The following STIMATE variants were observed in gnomAD, a reference collection of about 807,000 sequenced individuals.
STIMATE encodes store-operated calcium entry regulator STIMATE.
Under a neutral mutation model 36.7 loss-of-function variants are expected in STIMATE, and 15 were observed. That is an observed-to-expected ratio of 0.41 (90% confidence interval 0.27 to 0.63). The LOEUF is 0.63. Among genes scored for constraint, STIMATE ranks in the 20% least tolerant of loss-of-function variants. The probability of loss-of-function intolerance (pLI) is 0.32; values close to 1 mark genes in which losing one functional copy is unlikely to be tolerated. For missense variants in STIMATE, 305 were observed against 397.3 expected (o/e 0.77, Z 1.98); for synonymous variants, 163 against 162.3 (o/e 1.00, Z -0.03).
chr3:52,877,988 G>C (rs1390135412), intron 1 of STIMATE, among the ~76,000 whole-genome samples: 6 of 152,046 alleles, frequency 3.9e-5, no homozygotes, highest in Non-Finnish European at 8.8e-5. Flanking sequence ...CAGCTACTCG[G>C]GAGGCAGAGG....
intron 1 of STIMATE, among the ~76,000 whole-genome samples, chr3:52,859,531 ATTTTTTTTT>A (rs563622429): frequency 3.2e-4 from 6 of 18,818 alleles, no homozygotes; most frequent in African/African-American, 7.6e-4. Context: ...AAAAAAAAAA[ATTTTTTTTT>A]TTTTTTTTTT....
In STIMATE at chr3:52,866,139, A is replaced by G. The variant is rs1575337749; in HGVS notation, c.161-10695T>C. Reference sequence around the variant, plus strand: ...TTCCTAGAGGCACACTTGCTACATCAAAAGCTATGTGCGGCTTATTCTGTG... The same window carrying G: ...TTCCTAGAGGCACACTTGCTACATCGAAAGCTATGTGCGGCTTATTCTGTG... On this transcript the variant is annotated intron_variant, in intron 1 of 7. Coordinates refer to ENST00000355083, the MANE Select transcript of STIMATE (RefSeq NM_198563.5). 3.3e-5 allele frequency among the ~76,000 whole-genome samples: 5 copies of G among 152,334 alleles called. No homozygotes were observed. In the South Asian group the frequency reaches 1.0e-3, roughly 32 times the overall value.
intron 1 of STIMATE, among the ~76,000 whole-genome samples, chr3:52,859,689 A>AG (rs974927663): frequency 8.6e-5 from 13 of 151,090 alleles, no homozygotes; most frequent in Non-Finnish European, 1.2e-4. Flanking sequence ...AAAAAAAGAG[A>AG]GAAAAAAAGA....
intron 1 of STIMATE, among the ~76,000 whole-genome samples, chr3:52,857,579 T>C (rs1219053021): frequency 2.0e-5 from 3 of 152,152 alleles, no homozygotes; most frequent in African/African-American, 7.2e-5. Flanking sequence ...TTGAGGGGCA[T>C]GTCCTTGTTC....
chr3:52,865,690 G>GTACA (rs1701295980), intron 1 of STIMATE, among the ~76,000 whole-genome samples: 1 of 152,206 alleles, frequency 6.6e-6, no homozygotes, highest in South Asian at 2.1e-4. Flanking sequence ...AATTATGGGA[G>GTACA]TACAATTCAA....
In STIMATE at chr3:52,842,851, C is replaced by T. The variant is rs541360095; in HGVS notation, c.728G>A (p.Arg243His). 55 of 1,614,238 alleles carry T rather than the reference C, an allele frequency of 3.4e-5. No homozygotes were observed. The highest frequency in any genetic ancestry group is 3.3e-4 in the East Asian group (15 of 44,882). Residue 243 changes from arginine to histidine, a missense_variant, in exon 7 of 8, where the codon CGC becomes CAC. Around this residue, in one of 3 missense-constraint regions of STIMATE, gnomAD observed 84 missense variants for 82.4 expected, o/e 1.02. Transcript: ENST00000355083. ...NQDSRNGSKV[R>H]YRRAASHEES... ...CTCGTGGGATGCGGCCCTCCGGTAG[C>T]GGACCTTGCTCCCATTCCTCGAGTC...
At chr3:52,877,900 C>T (rs1354255297) in intron 1 of STIMATE, among the ~76,000 whole-genome samples, 1 of 152,130 alleles carries the variant, frequency 6.6e-6, no homozygotes, top group Non-Finnish European at 1.5e-5. Context: ...TCGAGACCAT[C>T]CTGGGTAACA....
intron 1 of STIMATE, among the ~76,000 whole-genome samples, chr3:52,889,703 G>A (rs1701751159): frequency 6.6e-6 from 1 of 152,182 alleles, no homozygotes; most frequent in Admixed American, 6.5e-5. Flanking sequence ...ATGGGGGCCA[G>A]GCAGATACTG....
chr3:52,865,865 C>T (rs572578989), intron 1 of STIMATE, among the ~76,000 whole-genome samples: 1 of 152,226 alleles, frequency 6.6e-6, no homozygotes, highest in East Asian at 1.9e-4. Flanking sequence ...GCTGGACAAC[C>T]ACACAGATGC....
intron 1 of STIMATE, among the ~76,000 whole-genome samples, chr3:52,880,557 G>C (rs531230163): frequency 2.0e-5 from 3 of 152,190 alleles, no homozygotes; most frequent in African/African-American, 7.2e-5. Context: ...AGCAGAGAAC[G>C]AAGACTCAGC....
intron 3 of STIMATE, among the ~76,000 whole-genome samples, chr3:52,851,906 A>G (rs772594198): frequency 5.3e-5 from 8 of 152,212 alleles, no homozygotes; most frequent in Non-Finnish European, 1.0e-4. Flanking sequence ...GTGAACTTAC[A>G]GTATATATAA....
chr3:52,846,763 G>A (rs971322302), intron 4 of STIMATE, among the ~76,000 whole-genome samples: 12 of 152,208 alleles, frequency 7.9e-5, no homozygotes, highest in African/African-American at 2.9e-4. Flanking sequence ...CAGATCTCAC[G>A]CAGCCACCGT....
intron 1 of STIMATE, among the ~76,000 whole-genome samples, chr3:52,871,279 C>T (rs760315006): frequency 6.6e-6 from 1 of 152,144 alleles, no homozygotes; most frequent in East Asian, 1.9e-4. Flanking sequence ...AGGCCTGTCC[C>T]GTCAAGAAGG....
intron 4 of STIMATE, among the ~76,000 whole-genome samples, chr3:52,845,935 T>A (rs56267614): frequency 7.7e-6 from 1 of 129,982 alleles, no homozygotes; most frequent in Non-Finnish European, 1.6e-5. Flanking sequence ...ATTTTGGGGG[T>A]GGCGGGGGGG....
At chr3:52,857,054 AGTCCTGAGCTGCCAGCG>A (rs1701112281) in intron 1 of STIMATE, among the ~76,000 whole-genome samples, 1 of 152,228 alleles carries the variant, frequency 6.6e-6, no homozygotes, top group East Asian at 1.9e-4. Context: ...CTTCTGGCAG[AGTCCTGAGCTGCCAGCG>A]AGGGTGCAGG....
chr3:52,843,807 A>G lies in STIMATE; in HGVS notation c.541-9T>C, dbSNP rs747106224. 1.2e-6 allele frequency: 2 copies of G among 1,608,890 alleles called. No homozygotes were observed. The highest frequency in any genetic ancestry group is 1.7e-6 in the Non-Finnish European group (2 of 1,177,200). ...GGATTCAACAGGGCCACCTGTAAAG[A>G]GAAGCAGACTCAGTGAGGTAGGGAG... On this transcript the variant is annotated splice_polypyrimidine_tract_variant and intron_variant, in intron 5 of 7. Transcript: ENST00000355083.
Position 52,874,200 on chromosome 3 carries a change from T to C in STIMATE, c.161-18756A>G, listed in dbSNP as rs897479958. On this transcript the variant is annotated intron_variant, in intron 1 of 7. Transcript: ENST00000355083. ...GGAAGGGGTTGATCATATGTGATTA[T>C]GCAATGGATGTCAACTGTGAAGTAT... is the stretch of plus-strand genomic sequence containing the variant. Among the ~76,000 whole-genome samples the C allele has an allele frequency of 3.3e-5, 5 of 152,368 alleles. No individual in the cohort carries two copies. In the East Asian group the frequency reaches 7.7e-4, roughly 24 times the overall value.
At chr3:52,881,302 A>G (rs543916499) in intron 1 of STIMATE, among the ~76,000 whole-genome samples, 7 of 152,202 alleles carry the variant, frequency 4.6e-5, no homozygotes, top group Non-Finnish European at 1.0e-4. Flanking sequence ...TGGAAAAAAA[A>G]AGAATATGAC....
intron 4 of STIMATE, 24 bp downstream of exon 4, chr3:52,849,768 T>A: frequency 6.2e-7 from 1 of 1,606,548 alleles, no homozygotes; most frequent in Non-Finnish European, 8.5e-7. Flanking sequence ...CCTCACGCCC[T>A]GTCCGGCATC....
Sources: gnomAD v4.1 joint callset for allele counts (sites outside exome capture counted in the v4.1 genomes callset) on GRCh38, gnomAD v4.1.1 for gene constraint, gnomAD v4.1.1 regional missense constraint, MANE v1.5 for transcripts, NCBI Gene and HGNC (gene_info 2026-07-23, HGNC 2026-07-21) for gene names.